CCDC179: variants seen among roughly 807,000 people sequenced by gnomAD.
CCDC179 encodes the protein coiled-coil domain-containing protein 179.
Under a neutral mutation model 12.0 loss-of-function variants are expected in CCDC179, and 17 were observed. The observed-to-expected ratio is 1.42, with a 90% confidence interval of 0.97 to 2.13. The LOEUF (loss-of-function observed/expected upper bound fraction) is 2.13. CCDC179 is among the 30% of genes most tolerant of loss of function. CCDC179 has a pLI of 0.00. For missense variants in CCDC179, 83 were observed against 78.6 expected (o/e 1.06, Z -0.21); for synonymous variants, 27 against 26.4 (o/e 1.02, Z -0.07).
intron 3 of CCDC179, among the ~76,000 whole-genome samples, chr11:22,849,204 T>A (rs966258003): frequency 9.8e-5 from 15 of 152,314 alleles, no homozygotes; most frequent in South Asian, 6.2e-4. Context: ...AAGGTATACT[T>A]TCTCTTTTAT....
In CCDC179 at chr11:22,853,516, A is replaced by C. The variant is rs1242280121; in HGVS notation, c.195+4406T>G. 2.6e-5 allele frequency among the ~76,000 whole-genome samples: 4 copies of C among 152,228 alleles called. No homozygotes were observed. The South Asian group carries it at 8.3e-4, about 32-fold the overall frequency. On this transcript the variant is annotated intron_variant, in intron 3 of 3. Coordinates refer to ENST00000532798, the MANE Select transcript of CCDC179 (RefSeq NM_001195637.2). Reference sequence around the variant, plus strand: ...CTCATTAATACACTGAACTCAGAGGAAAAAAACTAATTAGCTTAAAGATAT... The same window carrying C: ...CTCATTAATACACTGAACTCAGAGGCAAAAAACTAATTAGCTTAAAGATAT...
At chr11:22,857,184 TGAAAG>T in intron 3 of CCDC179, among the ~76,000 whole-genome samples, 1 of 151,576 alleles carries the variant, frequency 6.6e-6, no homozygotes. Context: ...AATTTTATAT[TGAAAG>T]GGAAAAGTTC....
At chr11:22,849,803 C>T (rs533260601) in intron 3 of CCDC179, among the ~76,000 whole-genome samples, 2 of 152,080 alleles carry the variant, frequency 1.3e-5, no homozygotes, top group South Asian at 2.1e-4. Flanking sequence ...TTCGTTGTCC[C>T]GTACCAAGAA....
chr11:22,850,976 A>ATTTTTTTTTT (rs1164245496), intron 3 of CCDC179, among the ~76,000 whole-genome samples: 1 of 6,122 alleles, frequency 1.6e-4, no homozygotes, highest in African/African-American at 3.1e-4. Flanking sequence ...ATATATATAT[A>ATTTTTTTTTT]TTTTTTTTTT....
chr11:22,851,681 G>A (rs1858407517), intron 3 of CCDC179, among the ~76,000 whole-genome samples: 1 of 152,256 alleles, frequency 6.6e-6, no homozygotes, highest in Admixed American at 6.5e-5. Context: ...CTGAAAACCA[G>A]AGAGACAGAC....
chr11:22,853,689 G>A (rs537996147), intron 3 of CCDC179, among the ~76,000 whole-genome samples: 1 of 150,772 alleles, frequency 6.6e-6, no homozygotes, highest in Non-Finnish European at 1.5e-5. Flanking sequence ...AAGAGGAAAA[G>A]GATGAAGAGG....
At chr11:22,852,856 A>G (rs1459073169) in intron 3 of CCDC179, among the ~76,000 whole-genome samples, 1 of 152,218 alleles carries the variant, frequency 6.6e-6, no homozygotes, top group East Asian at 1.9e-4. Context: ...GTAGTGTGCA[A>G]AATGAACCCA....
chr11:22,858,537 CA>C (rs1381489304), intron 2 of CCDC179, among the ~76,000 whole-genome samples: 1 of 112,250 alleles, frequency 8.9e-6, no homozygotes, highest in Non-Finnish European at 2.1e-5. Context: ...ATATGAATAA[CA>C]ATAACTTTTT....
chr11:22,848,957 T>G (rs1858304747), intron 3 of CCDC179, among the ~76,000 whole-genome samples: 1 of 152,150 alleles, frequency 6.6e-6, no homozygotes, highest in Non-Finnish European at 1.5e-5. Context: ...GATTTGAAAA[T>G]TAAAATGAAA....
rs993669125 is a variant in CCDC179 at position 22,860,355 on chromosome 11, T to A, written c.45+22A>T. ...ACAGGACAGAGTGGCAGAGTTGAGG[T>A]TGTAGGCCCCAGCAGACTCACAGGG... On this transcript the variant is annotated intron_variant, in intron 1 of 3. Coordinates refer to ENST00000532798, the MANE Select transcript of CCDC179 (RefSeq NM_001195637.2). 5.2e-6 allele frequency: 8 copies of A among 1,534,808 alleles called. No homozygotes were observed. In the African/African-American group the frequency reaches 9.6e-5, roughly 18 times the overall value.
chr11:22,848,653 TC>T (rs1858293063), intron 3 of CCDC179, among the ~76,000 whole-genome samples: 2 of 152,206 alleles, frequency 1.3e-5, no homozygotes, highest in African/African-American at 4.8e-5. Context: ...TGCATTTTTT[TC>T]TTAAAGATTG....
At chr11:22,849,519 CTTATT>C (rs1223048779) in intron 3 of CCDC179, among the ~76,000 whole-genome samples, 1 of 152,024 alleles carries the variant, frequency 6.6e-6, no homozygotes, top group Non-Finnish European at 1.5e-5. Flanking sequence ...TTTATAGCAA[CTTATT>C]TTATTTCAAT....
intron 3 of CCDC179, among the ~76,000 whole-genome samples, chr11:22,849,408 A>C (rs570831565): frequency 3.9e-5 from 6 of 152,306 alleles, no homozygotes; most frequent in African/African-American, 1.2e-4. Flanking sequence ...TGTCTCTGCA[A>C]CCTCAAACCA....
At chr11:22,858,356 A>G (rs1194488998) in intron 2 of CCDC179, among the ~76,000 whole-genome samples, 1 of 151,978 alleles carries the variant, frequency 6.6e-6, no homozygotes, top group Non-Finnish European at 1.5e-5. Context: ...AAGGACACCT[A>G]GGGAATTTTC....
At chr11:22,850,581 A>T (rs1380102352) in intron 3 of CCDC179, among the ~76,000 whole-genome samples, 2 of 146,712 alleles carry the variant, frequency 1.4e-5, no homozygotes, top group African/African-American at 2.6e-5. Flanking sequence ...TAATATAACA[A>T]CTTATTTCCC....
intron 3 of CCDC179, among the ~76,000 whole-genome samples, chr11:22,850,682 G>T (rs995724977): frequency 1.3e-5 from 2 of 151,756 alleles, no homozygotes; most frequent in Non-Finnish European, 2.9e-5. Context: ...AAAAACCTTA[G>T]ATGGTTTGTT....
At chr11:22,859,408 C>T (rs542791889) in intron 2 of CCDC179, 44 bp downstream of exon 2, 3 of 1,354,058 alleles carry the variant, frequency 2.2e-6, no homozygotes, top group South Asian at 3.2e-5. Flanking sequence ...GTTACAAGCA[C>T]AATGTTTAAA....
At chr11:22,849,605 G>A (rs1401891866) in intron 3 of CCDC179, among the ~76,000 whole-genome samples, 1 of 152,030 alleles carries the variant, frequency 6.6e-6, no homozygotes, top group African/African-American at 2.4e-5. Flanking sequence ...AGATTTTTCT[G>A]TACCCATCAA....
At chr11:22,857,347 A>G (rs1405024262) in intron 3 of CCDC179, among the ~76,000 whole-genome samples, 6 of 151,824 alleles carry the variant, frequency 4.0e-5, no homozygotes, top group Middle Eastern at 3.4e-3. Context: ...GAGCTCGGAA[A>G]TAAACCCACA....
Sources: allele counts gnomAD v4.1 joint callset (sites outside exome capture counted in the v4.1 genomes callset), GRCh38; gene constraint gnomAD v4.1.1; transcripts MANE v1.5; gene names NCBI Gene and HGNC (gene_info 2026-07-23, HGNC 2026-07-21).